Variants in NCBP3 observed in about 807,000 individuals in gnomAD.
The protein encoded by NCBP3 is nuclear cap-binding protein subunit 3.
Under a neutral mutation model 75.7 loss-of-function variants are expected in NCBP3, and 20 were observed. That is an observed-to-expected ratio of 0.26 (90% CI 0.19 to 0.38). The LOEUF (loss-of-function observed/expected upper bound fraction) is 0.38, where lower values mean the gene tolerates loss of function less well. NCBP3 is among the 10% of genes least tolerant of loss of function. The pLI is 1.00. For synonymous variants in NCBP3, 293 were observed against 290.5 expected (o/e 1.01, Z -0.09); for missense variants, 678 against 796.9 (o/e 0.85, Z 1.80).
rs1037089250 is a variant in NCBP3 at position 3,802,289 on chromosome 17, A to C, written c.*10755T>G. On this transcript the variant is annotated 3_prime_UTR_variant, in exon 13 of 13. Transcript: ENST00000389005. ...TGAATGTGTTAACCCAGGGTGGACA[A>C]TGGTGTTGACTTCATTACTAGATAA... The C allele has an allele frequency of 4.6e-5, 7 of 152,056 alleles. No homozygotes were observed. The allele number at this position is 152,056 out of a possible 1,614,324, so 9.4% of individuals were successfully genotyped here.
At chr17:3,844,298 C>T (rs992938573) in intron 1 of NCBP3, among the ~76,000 whole-genome samples, 6 of 152,206 alleles carry the variant, frequency 3.9e-5, no homozygotes, top group Non-Finnish European at 8.8e-5. Flanking sequence ...CTCTGGGTCT[C>T]AGTTTCCTCT....
chr17:3,837,992 AT>A (rs370693601), intron 3 of NCBP3, among the ~76,000 whole-genome samples: 95 of 128,716 alleles, frequency 7.4e-4, no homozygotes, highest in African/African-American at 6.9e-4. Context: ...AAAAAAAAAA[AT>A]TTTTTTAAAT....
rs755518289 is a variant in NCBP3 at position 3,818,565 on chromosome 17, C to G, written c.1008G>C (p.Val336=). 3.8e-6 allele frequency: 6 copies of G among 1,598,308 alleles called. No homozygotes were observed. Among genetic ancestry groups the G allele is most frequent in the Non-Finnish European group, 5.1e-6 (6 of 1,175,878 alleles). The change falls in exon 10 of 13, where the codon GTG becomes GTC. Residue 336 remains valine, a synonymous_variant. Transcript: ENST00000389005. The surrounding 1 kb of genome is among the most constrained non-coding windows in gnomAD (Gnocchi z 4.7). ...TSYKHRHSGL[V]NVPEEPIEEE... is the part of the protein sequence containing the mutation. ...CTTCAATGGGTTCCTCGGGAACATT[C>G]ACTAGCCCTGAAGAAATTTAACCAG...
At position 3,806,058 on chromosome 17, in the gene NCBP3, G is replaced by C. The variant is rs1171687502; in HGVS notation, c.*6986C>G. 2 of 152,034 alleles carry C rather than the reference G, an allele frequency of 1.3e-5. No homozygotes were observed. Among genetic ancestry groups the C allele is most frequent in the African/African-American group, 4.8e-5 (2 of 41,320 alleles). 9.4% of individuals were successfully genotyped at this position (152,034 alleles called of 1,614,324 possible). On this transcript the variant is annotated 3_prime_UTR_variant, in exon 13 of 13. Coordinates refer to ENST00000389005, the MANE Select transcript of NCBP3 (RefSeq NM_001114118.3). ...ATCGAACACTACCACAAAACTCCTA[G>C]GAAGGGACAGGAAGGTGAGAATCCT... is the stretch of plus-strand genomic sequence containing the variant.
rs766019114 is a variant in NCBP3 at position 3,803,540 on chromosome 17, G to C, written c.*9504C>G. The C allele has an allele frequency of 6.6e-6, 1 of 152,116 alleles. No individual in the cohort carries two copies. The highest frequency in any genetic ancestry group is 1.9e-4 in the East Asian group (1 of 5,202). The allele number at this position is 152,116 out of a possible 1,614,324, so 9.4% of individuals were successfully genotyped here. Reference sequence around the variant, plus strand: ...GGAAATGTTCACTAAAACATCTTACGGATAAACGAGCATGATGTATACAAA... The same window carrying C: ...GGAAATGTTCACTAAAACATCTTACCGATAAACGAGCATGATGTATACAAA... On this transcript the variant is annotated 3_prime_UTR_variant, in exon 13 of 13. Coordinates refer to ENST00000389005, the MANE Select transcript of NCBP3 (RefSeq NM_001114118.3).
intron 12 of NCBP3, 91 bp from the exon 13 acceptor site, chr17:3,813,370 T>C (rs967852059): frequency 1.4e-6 from 2 of 1,467,642 alleles, no homozygotes; most frequent in African/African-American, 2.8e-5. Flanking sequence ...ACACCTGCTG[T>C]GCAGGAAACG....
At chr17:3,837,147 CAA>C (rs536780528) in intron 3 of NCBP3, among the ~76,000 whole-genome samples, 1 of 134,062 alleles carries the variant, frequency 7.5e-6, no homozygotes. Flanking sequence ...GACTCCTTCT[CAA>C]AAAAAAAATA....
intron 3 of NCBP3, among the ~76,000 whole-genome samples, chr17:3,834,881 G>A (rs1035066013): frequency 3.3e-5 from 5 of 151,560 alleles, no homozygotes; most frequent in Admixed American, 6.6e-5. Context: ...TTTTTTGATA[G>A]GATTACCAGA....
In NCBP3 at chr17:3,821,940, G is replaced by T; in HGVS notation, c.896+13C>A. 1.3e-6 allele frequency: 2 copies of T among 1,558,774 alleles called. No homozygotes were observed. The highest frequency in any genetic ancestry group is 1.7e-5 in the Admixed American group (1 of 59,158). ...AACTCAAATACTATTGCATTTGAAGGTTTTGGACTCACCATGAATTGCTAA... is the reference window on the plus strand; with the variant it reads ...AACTCAAATACTATTGCATTTGAAGTTTTTGGACTCACCATGAATTGCTAA... On this transcript the variant is annotated intron_variant, in intron 8 of 12. Coordinates refer to ENST00000389005, the MANE Select transcript of NCBP3 (RefSeq NM_001114118.3).
chr17:3,810,911 G>A lies in NCBP3; in HGVS notation c.*2133C>T, dbSNP rs2053400145. The A allele has an allele frequency of 6.6e-6, 1 of 152,344 alleles. No individual in the cohort carries two copies. The highest frequency in any genetic ancestry group is 2.4e-5 in the African/African-American group (1 of 41,460). 9.4% of individuals were successfully genotyped at this position (152,344 alleles called of 1,614,324 possible). A position where few individuals can be genotyped will look rare whatever the true frequency, so the allele number is the denominator to read the frequency against. On this transcript the variant is annotated 3_prime_UTR_variant, in exon 13 of 13. Coordinates refer to ENST00000389005, the MANE Select transcript of NCBP3 (RefSeq NM_001114118.3). Reference sequence around the variant, plus strand: ...TGAGCTGCTGGTGTAAAACCAAAAGGAAAGTCTGTGAAGGAGCATATTCTA... The same window carrying A: ...TGAGCTGCTGGTGTAAAACCAAAAGAAAAGTCTGTGAAGGAGCATATTCTA...
rs1220543664 is a variant in NCBP3, at chr17:3,811,713, A to C, written c.*1331T>G. 1.6e-4 allele frequency: 25 copies of C among 152,246 alleles called. No homozygotes were observed. Among genetic ancestry groups the C allele is most frequent in the Admixed American group, 1.6e-3 (25 of 15,284 alleles). 9.4% of individuals were successfully genotyped at this position (152,246 alleles called of 1,614,324 possible). On this transcript the variant is annotated 3_prime_UTR_variant, in exon 13 of 13. Transcript: ENST00000389005. ...GCAGGTGAAGAGTCGTGACATCGCA[A>C]AAAGGACCACGGTTTATTACCATCT...
rs2053375156 is a variant in NCBP3, at chr17:3,809,456, A to C, written c.*3588T>G. The C allele has an allele frequency of 6.6e-6, 1 of 152,294 alleles. No individual in the cohort carries two copies. The highest frequency in any genetic ancestry group is 2.4e-5 in the African/African-American group (1 of 41,468). 9.4% of individuals were successfully genotyped at this position (152,294 alleles called of 1,614,324 possible). ...TGCAGTGGCTCACACCTGTAATCCCAGAACTTTGGGAGGAAGAGGTGGGCA... is the reference window on the plus strand; with the variant it reads ...TGCAGTGGCTCACACCTGTAATCCCCGAACTTTGGGAGGAAGAGGTGGGCA... On this transcript the variant is annotated 3_prime_UTR_variant, in exon 13 of 13. Transcript: ENST00000389005.
At chr17:3,831,066 C>A (rs1437407316) in intron 3 of NCBP3, among the ~76,000 whole-genome samples, 2 of 151,906 alleles carry the variant, frequency 1.3e-5, no homozygotes, top group South Asian at 4.2e-4. Flanking sequence ...CATGCGCCAC[C>A]ACGCCATGCT....
At chr17:3,845,121 T>C in intron 1 of NCBP3, among the ~76,000 whole-genome samples, 1 of 152,276 alleles carries the variant, frequency 6.6e-6, no homozygotes, top group Non-Finnish European at 1.5e-5. Context: ...CCTGAATAGC[T>C]GGCACTAAAG....
chr17:3,828,071 G>A (rs774424545), intron 4 of NCBP3, among the ~76,000 whole-genome samples: 2 of 152,028 alleles, frequency 1.3e-5, no homozygotes, highest in South Asian at 2.1e-4. Context: ...GGTGTGCATC[G>A]CCACATGAGG....
At chr17:3,843,227 T>G in intron 1 of NCBP3, 76 bp from the exon 2 acceptor site, 1 of 1,109,214 alleles carries the variant, frequency 9.0e-7, no homozygotes, top group South Asian at 1.4e-5. Flanking sequence ...GCCTGACATC[T>G]GCAGGTTCTT....
chr17:3,814,602 A>T (rs9897428), intron 11 of NCBP3, 119 bp from the exon 12 acceptor site: 438,554 of 956,396 alleles, frequency 0.46, 105,371 homozygotes, highest in East Asian at 0.57. Flanking sequence ...AGGGCCTGAC[A>T]ATCAGGCTGC....
At chr17:3,838,079 A>G (rs777285261) in intron 3 of NCBP3, among the ~76,000 whole-genome samples, 2 of 152,254 alleles carry the variant, frequency 1.3e-5, no homozygotes, top group Non-Finnish European at 2.9e-5. Context: ...GACTGAAACT[A>G]ACAAGGCTCA....
chr17:3,840,514 A>C (rs2054045901), intron 2 of NCBP3, among the ~76,000 whole-genome samples: 1 of 152,252 alleles, frequency 6.6e-6, no homozygotes, highest in Non-Finnish European at 1.5e-5. Context: ...GTTATATGAC[A>C]CTTCATTTGT....
Sources: allele counts gnomAD v4.1 joint callset (sites outside exome capture counted in the v4.1 genomes callset), GRCh38; gene constraint gnomAD v4.1.1; non-coding constraint Gnocchi (gnomAD v3.1); transcripts MANE v1.5; gene names NCBI Gene and HGNC (gene_info 2026-07-23, HGNC 2026-07-21).